Variants in EPHA5 observed in about 807,000 individuals in gnomAD.
The protein encoded by EPHA5 is EPH receptor A5.
Under a neutral mutation model 105.0 loss-of-function variants are expected in EPHA5, and 60 were observed. The observed-to-expected ratio is 0.57, with a 90% CI of 0.46 to 0.71. The LOEUF (loss-of-function observed/expected upper bound fraction) is 0.71. Ranked by LOEUF, EPHA5 falls within the 30% of genes least tolerant of loss-of-function variation. The pLI, the probability that EPHA5 is intolerant of heterozygous loss-of-function variation, is 0.00. For synonymous variants in EPHA5, 513 were observed against 449.1 expected (o/e 1.14, Z -1.80); for missense variants, 1,218 against 1,274.7 (o/e 0.96, Z 0.68).
chr4:65,524,035 T>C (rs551502636), intron 3 of EPHA5, among the ~76,000 whole-genome samples: 37 of 151,946 alleles, frequency 2.4e-4, no homozygotes, highest in African/African-American at 8.7e-4. Context: ...TTCCAAGCAG[T>C]TGAAAATATG....
chr4:65,501,505 T>C (rs953778224), intron 3 of EPHA5, among the ~76,000 whole-genome samples: 30 of 151,452 alleles, frequency 2.0e-4, no homozygotes, highest in African/African-American at 6.8e-4. Context: ...CCATTCACAA[T>C]AGCCACAAAA....
At chr4:65,355,444 T>C (rs1723207536) in intron 11 of EPHA5, among the ~76,000 whole-genome samples, 1 of 151,676 alleles carries the variant, frequency 6.6e-6, no homozygotes, top group South Asian at 2.1e-4. Context: ...TTAACTATAT[T>C]GTCAGACTCT....
intron 3 of EPHA5, among the ~76,000 whole-genome samples, chr4:65,523,204 T>C (rs1560644636): frequency 1.3e-5 from 2 of 152,004 alleles, no homozygotes; most frequent in African/African-American, 2.4e-5. Flanking sequence ...TAATACAGCA[T>C]ATTCTATTAC....
At chr4:65,599,499 G>C (rs1183095419) in intron 3 of EPHA5, among the ~76,000 whole-genome samples, 1 of 152,030 alleles carries the variant, frequency 6.6e-6, no homozygotes, top group Non-Finnish European at 1.5e-5. Flanking sequence ...TATTACATAA[G>C]TTGTGTGTAG....
At chr4:65,334,012 C>G (rs28760470) in intron 15 of EPHA5, among the ~76,000 whole-genome samples, 15,100 of 151,848 alleles carry the variant, frequency 0.099, 969 homozygotes, top group African/African-American at 0.17. Context: ...CTCTCCCATT[C>G]AATATTAATA....
At chr4:65,494,584 A>G (rs1178934677) in intron 4 of EPHA5, among the ~76,000 whole-genome samples, 1 of 152,238 alleles carries the variant, frequency 6.6e-6, no homozygotes, top group Non-Finnish European at 1.5e-5. Flanking sequence ...TCAGAAATAT[A>G]TGGAAAACCA....
intron 5 of EPHA5, among the ~76,000 whole-genome samples, chr4:65,456,560 A>G (rs1727613361): frequency 1.3e-5 from 2 of 152,180 alleles, no homozygotes; most frequent in Non-Finnish European, 2.9e-5. Context: ...TTAATTTATG[A>G]TAGGAGTGCT....
At position 65,595,255 on chromosome 4, in the gene EPHA5, G is replaced by C. The variant is rs141247945; in HGVS notation, c.910+6386C>G. 9.3e-3 allele frequency among the ~76,000 whole-genome samples: 1,412 copies of C among 151,752 alleles called. 59 individuals are homozygous for C. Among genetic ancestry groups the C allele is most frequent in the Admixed American group, 0.069 (1,044 of 15,216 alleles). ...TTTAACTGTAGATGTGAGTCTATATGCATGTTTGTATGTATATATGTCCAC... is the reference window on the plus strand; with the variant it reads ...TTTAACTGTAGATGTGAGTCTATATCCATGTTTGTATGTATATATGTCCAC... On this transcript the variant is annotated intron_variant, in intron 3 of 16. Coordinates refer to ENST00000613740, the MANE Select transcript of EPHA5 (RefSeq NM_001281766.3).
At chr4:65,538,434 G>A (rs548144394) in intron 3 of EPHA5, among the ~76,000 whole-genome samples, 5 of 151,784 alleles carry the variant, frequency 3.3e-5, no homozygotes, top group South Asian at 2.1e-4. Flanking sequence ...CAATATCCCT[G>A]AATGTAGAAC....
chr4:65,514,221 C>A (rs1452943216), intron 3 of EPHA5, among the ~76,000 whole-genome samples: 1 of 152,112 alleles, frequency 6.6e-6, no homozygotes, highest in South Asian at 2.1e-4. Flanking sequence ...GTGGCTGCCA[C>A]AGATATTCCA....
At chr4:65,649,756 G>A (rs566688677) in intron 1 of EPHA5, among the ~76,000 whole-genome samples, 13 of 152,118 alleles carry the variant, frequency 8.5e-5, no homozygotes, top group South Asian at 4.2e-4. Context: ...TGATAATTGC[G>A]TAGCTCTGAG....
intron 8 of EPHA5, among the ~76,000 whole-genome samples, chr4:65,396,809 G>T (rs1260254282): frequency 2.0e-5 from 3 of 152,122 alleles, no homozygotes; most frequent in African/African-American, 7.2e-5. Context: ...TATTCAAGCA[G>T]CCCCTGATAT....
At chr4:65,507,113 T>C (rs546378646) in intron 3 of EPHA5, among the ~76,000 whole-genome samples, 5 of 152,316 alleles carry the variant, frequency 3.3e-5, no homozygotes, top group African/African-American at 1.2e-4. Context: ...GCACCATTTA[T>C]TAAATAGGGA....
chr4:65,351,712 C>A (rs1577890280), intron 12 of EPHA5, 114 bp from the exon 13 acceptor site: 1 of 847,568 alleles, frequency 1.2e-6, no homozygotes, highest in Non-Finnish European at 1.8e-6. Context: ...AATTCATATG[C>A]AATTTCTATC....
At chr4:65,392,051 T>G (rs1720767695) in intron 8 of EPHA5, among the ~76,000 whole-genome samples, 1 of 152,150 alleles carries the variant, frequency 6.6e-6, no homozygotes, top group Admixed American at 6.5e-5. Flanking sequence ...AGTAACCCTC[T>G]TACGTTCAGT....
chr4:65,615,995 G>A (rs572522866), intron 2 of EPHA5, among the ~76,000 whole-genome samples: 21 of 152,002 alleles, frequency 1.4e-4, no homozygotes, highest in Non-Finnish European at 2.5e-4. Flanking sequence ...AATGTTCATA[G>A]CAGTTTTGTT....
intron 6 of EPHA5, among the ~76,000 whole-genome samples, chr4:65,419,798 T>G (rs1723767155): frequency 6.6e-6 from 1 of 152,130 alleles, no homozygotes; most frequent in Admixed American, 6.5e-5. Context: ...GCTCACTTGC[T>G]TGTGAATTCA....
At chr4:65,669,516 G>GCC in intron 1 of EPHA5, 46 bp downstream of exon 1, 1 of 1,328,554 alleles carries the variant, frequency 7.5e-7, no homozygotes, top group Non-Finnish European at 9.7e-7. Context: ...GCCCCGCCTA[G>GCC]CCCCTCCGCC....
Position 65,365,210 on chromosome 4 carries a change from T to C in EPHA5, c.1988-8A>G. On this transcript the variant is annotated splice_polypyrimidine_tract_variant and splice_region_variant and intron_variant, in intron 10 of 16. Transcript: ENST00000613740. ...AAACTTCACCAAATTCACCTTGTGA[T>C]AAAGATGAAAAAAATGCAAAAACTC... 6.2e-7 allele frequency: 1 copy of C among 1,605,482 alleles called. No homozygotes were observed. Among genetic ancestry groups the C allele is most frequent in the Non-Finnish European group, 8.5e-7 (1 of 1,175,202 alleles).
Sources: gnomAD v4.1 joint callset for allele counts (sites outside exome capture counted in the v4.1 genomes callset) on GRCh38, gnomAD v4.1.1 for gene constraint, MANE v1.5 for transcripts, NCBI Gene and HGNC (gene_info 2026-07-23, HGNC 2026-07-21) for gene names.